The following MARCHF1 variants were observed in gnomAD, a reference collection of about 807,000 sequenced individuals.
The protein encoded by MARCHF1 is membrane associated ring-CH-type finger 1, also known as E3 ubiquitin-protein ligase MARCHF1.
Under a neutral mutation model 54.2 loss-of-function variants are expected in MARCHF1, and 40 were observed. The ratio of observed to expected loss-of-function variants is 0.74; its 90% CI spans 0.57 to 0.96. MARCHF1 has a LOEUF of 0.96. Among genes scored for constraint, MARCHF1 ranks in the 40% least tolerant of loss-of-function variants. The pLI is 0.00. For missense variants in MARCHF1, 586 were observed against 656.5 expected, an observed-to-expected ratio of 0.89 and a Z score of 1.17; for synonymous variants, 236 against 236.3, an observed-to-expected ratio of 1.00 and a Z score of 0.01.
chr4:163,839,064 T>C (rs560694197), intron 4 of MARCHF1, among the ~76,000 whole-genome samples: 11 of 152,130 alleles, frequency 7.2e-5, no homozygotes, highest in African/African-American at 2.6e-4. Context: ...TAATAGAAAG[T>C]TGAATAGACA....
intron 1 of MARCHF1, among the ~76,000 whole-genome samples, chr4:164,339,729 G>C (rs1429945915): frequency 6.6e-6 from 1 of 151,996 alleles, no homozygotes; most frequent in African/African-American, 2.4e-5. Context: ...GATCAGAAGA[G>C]AAATAAATAG....
At chr4:164,147,118 T>A (rs368957159) in intron 1 of MARCHF1, among the ~76,000 whole-genome samples, 9 of 152,174 alleles carry the variant, frequency 5.9e-5, no homozygotes, top group East Asian at 1.9e-4. Flanking sequence ...TCAAAACCAC[T>A]ATGAGATACC....
chr4:164,324,228 T>G (rs1372637974), intron 1 of MARCHF1, among the ~76,000 whole-genome samples: 3 of 151,824 alleles, frequency 2.0e-5, no homozygotes, highest in African/African-American at 7.2e-5. Context: ...TTTGACACAT[T>G]TCATACATTC....
intron 1 of MARCHF1, among the ~76,000 whole-genome samples, chr4:164,141,318 C>T (rs1579566846): frequency 6.6e-6 from 1 of 152,256 alleles, no homozygotes; most frequent in East Asian, 1.9e-4. Context: ...TTAATGTGAT[C>T]AACCAATGTT....
At chr4:164,306,761 C>G (rs1428496352) in intron 1 of MARCHF1, among the ~76,000 whole-genome samples, 1 of 152,068 alleles carries the variant, frequency 6.6e-6, no homozygotes, top group East Asian at 1.9e-4. Flanking sequence ...TTATTTATCA[C>G]TGATCTGGAA....
intron 2 of MARCHF1, among the ~76,000 whole-genome samples, chr4:164,063,680 C>T (rs957805279): frequency 2.0e-5 from 3 of 152,172 alleles, no homozygotes; most frequent in Non-Finnish European, 2.9e-5. Flanking sequence ...TTTCATTGTG[C>T]TTGAATTTTT....
intron 2 of MARCHF1, among the ~76,000 whole-genome samples, chr4:164,005,725 G>A (rs1753271886): frequency 6.6e-6 from 1 of 152,068 alleles, no homozygotes; most frequent in Admixed American, 6.6e-5. Flanking sequence ...CCCAGGCTTG[G>A]AAACAATGCT....
chr4:163,869,556 A>T (rs936006622), intron 3 of MARCHF1, among the ~76,000 whole-genome samples: 2 of 152,082 alleles, frequency 1.3e-5, no homozygotes, highest in Non-Finnish European at 1.5e-5. Flanking sequence ...AACACAAATT[A>T]TATGTTGCTA....
intron 2 of MARCHF1, among the ~76,000 whole-genome samples, chr4:164,024,968 A>G (rs1753736071): frequency 6.6e-6 from 1 of 151,998 alleles, no homozygotes; most frequent in Non-Finnish European, 1.5e-5. Context: ...TTTTAAACCA[A>G]TAACAATTAA....
At chr4:163,988,852 G>A (rs1472030621) in intron 2 of MARCHF1, 143 bp from the exon 3 acceptor site, 2 of 152,204 alleles carry the variant, frequency 1.3e-5, no homozygotes, top group African/African-American at 2.4e-5. Context: ...TTCTCCAAAG[G>A]ATGATTTACT....
At chr4:163,762,582 G>C (rs1421136861) in intron 4 of MARCHF1, among the ~76,000 whole-genome samples, 1 of 151,970 alleles carries the variant, frequency 6.6e-6, no homozygotes, top group African/African-American at 2.4e-5. Context: ...TTGTATTCCA[G>C]AATTTTTTAG....
chr4:163,820,445 C>T (rs1748660086), intron 4 of MARCHF1, among the ~76,000 whole-genome samples: 1 of 151,876 alleles, frequency 6.6e-6, no homozygotes, highest in African/African-American at 2.4e-5. Context: ...CTTGTTTTAT[C>T]CTCTTTCACT....
At chr4:163,915,916 T>TA (rs1751298336) in intron 3 of MARCHF1, among the ~76,000 whole-genome samples, 1 of 152,128 alleles carries the variant, frequency 6.6e-6, no homozygotes, top group Non-Finnish European at 1.5e-5. Flanking sequence ...AGTGGCTTGA[T>TA]ACAAAAACCT....
intron 4 of MARCHF1, among the ~76,000 whole-genome samples, chr4:163,800,648 G>A (rs557403208): frequency 3.2e-4 from 48 of 152,052 alleles, no homozygotes; most frequent in African/African-American, 1.1e-3. Flanking sequence ...TTTTCACTAC[G>A]TTTAAGCAAG....
At chr4:164,095,512 C>G (rs1231155591) in intron 2 of MARCHF1, among the ~76,000 whole-genome samples, 1 of 151,880 alleles carries the variant, frequency 6.6e-6, no homozygotes, top group Non-Finnish European at 1.5e-5. Context: ...AAATTGCCTT[C>G]TCAGCATTTA....
chr4:163,987,570 A>G (rs972842057), intron 3 of MARCHF1, among the ~76,000 whole-genome samples: 3 of 152,052 alleles, frequency 2.0e-5, no homozygotes, highest in South Asian at 2.1e-4. Context: ...TTCTTGAGGG[A>G]AAAAAAAGGT....
intron 4 of MARCHF1, among the ~76,000 whole-genome samples, chr4:163,707,145 G>T (rs1744971771): frequency 6.6e-6 from 1 of 152,020 alleles, no homozygotes; most frequent in Admixed American, 6.6e-5. Flanking sequence ...TTTGAAATAA[G>T]TCTAAATTAT....
chr4:164,091,410 T>TTTTTTATATA lies in MARCHF1; in HGVS notation c.-248+20177_-248+20178insTATATAAAAA, dbSNP rs145149996. Among the ~76,000 whole-genome samples the TTTTTTATATA allele has an allele frequency of 5.1e-5, 7 of 136,926 alleles. No individual in the cohort carries two copies. The South Asian group carries it at 7.0e-4, about 14-fold the overall frequency. The allele number at this position is 136,926 out of a possible 152,430, so 89.8% of individuals were successfully genotyped here. Reference sequence around the variant, plus strand: ...AACAGGGGATAATTTTCACCAAGTTTTATATATATATATATATATGTATAA... The same window carrying TTTTTTATATA: ...AACAGGGGATAATTTTCACCAAGTTTTTTTTATATATATATATATATATATATATGTATAA... On this transcript the variant is annotated intron_variant, in intron 2 of 9. Transcript: ENST00000514618.
intron 4 of MARCHF1, among the ~76,000 whole-genome samples, chr4:163,703,509 C>T (rs1016058167): frequency 1.3e-5 from 2 of 152,042 alleles, no homozygotes; most frequent in Non-Finnish European, 2.9e-5. Flanking sequence ...GGTTGTCATA[C>T]CTCATTACAA....
Sources: gnomAD v4.1 joint callset for allele counts (sites outside exome capture counted in the v4.1 genomes callset) on GRCh38, gnomAD v4.1.1 for gene constraint, MANE v1.5 for transcripts, NCBI Gene and HGNC (gene_info 2026-07-23, HGNC 2026-07-21) for gene names.